The following ADGRL2 variants were observed in gnomAD, a reference collection of about 807,000 sequenced individuals.
ADGRL2 encodes calcium-independent alpha-latrotoxin receptor 2.
ADGRL2 carries 44 observed loss-of-function variants against 157.4 expected under a neutral mutation model. That is an observed-to-expected ratio of 0.28 (90% CI 0.22 to 0.36). The LOEUF (loss-of-function observed/expected upper bound fraction) is 0.36, where lower values mean the gene tolerates loss of function less well. Among genes scored for constraint, ADGRL2 ranks in the 10% least tolerant of loss-of-function variants. The pLI is 1.00. For missense variants in ADGRL2, 1,510 were observed against 1,768.9 expected (o/e 0.85, Z 2.63); for synonymous variants, 585 against 624.7 (o/e 0.94, Z 0.95).
At chr1:81,717,702 C>A (rs1005864682) in intron 1 of ADGRL2, among the ~76,000 whole-genome samples, 3 of 152,182 alleles carry the variant, frequency 2.0e-5, no homozygotes, top group African/African-American at 7.2e-5. Flanking sequence ...CCTGGATTCT[C>A]CATTGACACT....
chr1:81,430,052 C>T (rs1570945925), intron 1 of ADGRL2, among the ~76,000 whole-genome samples: 1 of 152,136 alleles, frequency 6.6e-6, no homozygotes, highest in Non-Finnish European at 1.5e-5. Flanking sequence ...CACCGCCACG[C>T]CTGGCTTATT....
At chr1:81,635,935 T>C (rs945524822) in intron 3 of ADGRL2, among the ~76,000 whole-genome samples, 1 of 152,248 alleles carries the variant, frequency 6.6e-6, no homozygotes, top group Non-Finnish European at 1.5e-5. Flanking sequence ...TCCATGAGTT[T>C]ATCAGCTGCC....
At chr1:81,514,348 A>G (rs573426329) in intron 2 of ADGRL2, among the ~76,000 whole-genome samples, 4 of 152,268 alleles carry the variant, frequency 2.6e-5, no homozygotes, top group East Asian at 3.9e-4. Flanking sequence ...TCCACTGATT[A>G]GATTGCATAG....
intron 1 of ADGRL2, among the ~76,000 whole-genome samples, chr1:81,402,599 C>T (rs977348334): frequency 5.3e-5 from 8 of 152,160 alleles, no homozygotes; most frequent in Non-Finnish European, 1.2e-4. Context: ...CAAAACAAAA[C>T]AAAAATTCCT....
intron 1 of ADGRL2, among the ~76,000 whole-genome samples, chr1:81,343,079 TC>T (rs199739508): frequency 2.4e-5 from 3 of 125,506 alleles, no homozygotes; most frequent in Non-Finnish European, 3.3e-5. Context: ...TTTCTTTTTT[TC>T]TTTTTTCTTT....
intron 3 of ADGRL2, among the ~76,000 whole-genome samples, chr1:81,681,571 G>A (rs2083114879): frequency 6.6e-6 from 1 of 152,210 alleles, no homozygotes; most frequent in Non-Finnish European, 1.5e-5. Context: ...TGGGAACTAG[G>A]CAAAGAGCTA....
chr1:81,315,312 G>A (rs541671735), intron 1 of ADGRL2, among the ~76,000 whole-genome samples: 20 of 151,930 alleles, frequency 1.3e-4, no homozygotes, highest in Admixed American at 1.1e-3. Context: ...CAGTATAAGG[G>A]GTGACCTGAT....
chr1:81,829,030 G>C (rs531974143), intron 1 of ADGRL2, among the ~76,000 whole-genome samples: 10 of 151,820 alleles, frequency 6.6e-5, no homozygotes, highest in Non-Finnish European at 1.3e-4. Flanking sequence ...TCCTGCCTCA[G>C]CCTCCCGAGT....
rs530203280 is a variant in ADGRL2 at position 81,708,611 on chromosome 1, C to G, written c.-143+8803C>G. On this transcript the variant is annotated intron_variant, in intron 1 of 20. Transcript: ENST00000359929. ...AGAAGGGTAATGCAAAGGGTAATTACATATACTATTGTTTGCATTAAAATT... is the reference window on the plus strand; with the variant it reads ...AGAAGGGTAATGCAAAGGGTAATTAGATATACTATTGTTTGCATTAAAATT... Among the ~76,000 whole-genome samples, 70 of 150,982 alleles carry G rather than the reference C, an allele frequency of 4.6e-4. No homozygotes were observed. In the South Asian group the frequency reaches 6.9e-3, roughly 15 times the overall value.
intron 3 of ADGRL2, among the ~76,000 whole-genome samples, chr1:81,642,620 T>C (rs973034701): frequency 2.6e-5 from 4 of 151,960 alleles, no homozygotes; most frequent in Non-Finnish European, 4.4e-5. Context: ...AGGAAAGATA[T>C]TATAAGAAAA....
At chr1:81,524,131 C>T (rs982357688) in intron 2 of ADGRL2, among the ~76,000 whole-genome samples, 3 of 151,812 alleles carry the variant, frequency 2.0e-5, no homozygotes, top group Non-Finnish European at 2.9e-5. Context: ...GAGGCCGAGG[C>T]GGTTGGATCA....
chr1:81,908,494 A>G (rs933797065), intron 3 of ADGRL2, among the ~76,000 whole-genome samples: 1 of 152,210 alleles, frequency 6.6e-6, no homozygotes, highest in African/African-American at 2.4e-5. Context: ...CCATGCACCT[A>G]CAGAAGGACA....
chr1:81,566,185 G>A (rs2080557069), intron 2 of ADGRL2, among the ~76,000 whole-genome samples: 1 of 152,138 alleles, frequency 6.6e-6, no homozygotes, highest in Non-Finnish European at 1.5e-5. Flanking sequence ...TATAAACTTT[G>A]AAAATATATT....
chr1:81,899,746 G>A (rs555608775), intron 2 of ADGRL2, among the ~76,000 whole-genome samples: 59 of 152,240 alleles, frequency 3.9e-4, no homozygotes, highest in Middle Eastern at 3.4e-3. Context: ...GAAATAGACT[G>A]AAAATACGGC....
At chr1:81,646,536 A>G (rs966149068) in intron 3 of ADGRL2, among the ~76,000 whole-genome samples, 1 of 152,234 alleles carries the variant, frequency 6.6e-6, no homozygotes, top group Non-Finnish European at 1.5e-5. Context: ...GCAATGTGGT[A>G]TGGCTGTGGA....
intron 3 of ADGRL2, among the ~76,000 whole-genome samples, chr1:81,621,683 T>C (rs2081793470): frequency 6.6e-6 from 1 of 152,230 alleles, no homozygotes; most frequent in Non-Finnish European, 1.5e-5. Flanking sequence ...AGATACAGCC[T>C]GTTAGACCCT....
chr1:81,485,632 T>A (rs577618516), intron 2 of ADGRL2, among the ~76,000 whole-genome samples: 1 of 152,280 alleles, frequency 6.6e-6, no homozygotes, highest in Admixed American at 6.5e-5. Flanking sequence ...AGTGAAATAA[T>A]CAGTGCCTAG....
intron 2 of ADGRL2, among the ~76,000 whole-genome samples, chr1:81,507,324 G>A (rs772202709): frequency 4.6e-5 from 7 of 152,154 alleles, no homozygotes; most frequent in African/African-American, 9.6e-5. Context: ...TCTACAAGGC[G>A]GCACTAGCAT....
chr1:81,670,487 A>C (rs1183287440), intron 3 of ADGRL2, among the ~76,000 whole-genome samples: 1 of 152,152 alleles, frequency 6.6e-6, no homozygotes, highest in Non-Finnish European at 1.5e-5. Context: ...GAAGCCTAGA[A>C]GTCTGAGTGT....
Sources: gnomAD v4.1 joint callset for allele counts (sites outside exome capture counted in the v4.1 genomes callset) on GRCh38, gnomAD v4.1.1 for gene constraint, MANE v1.5 for transcripts, NCBI Gene and HGNC (gene_info 2026-07-23, HGNC 2026-07-21) for gene names.